Variants in FHIT observed in about 807,000 individuals in gnomAD.
FHIT encodes bis(5'-adenosyl)-triphosphatase.
Under a neutral mutation model 17.9 loss-of-function variants are expected in FHIT, and 19 were observed. That is an observed-to-expected ratio of 1.06 (90% confidence interval 0.74 to 1.56). The LOEUF (loss-of-function observed/expected upper bound fraction) is 1.56, where lower values mean the gene tolerates loss of function less well. Ranked by LOEUF, FHIT falls within the 40% of genes most tolerant of loss-of-function variation. The pLI is 0.00. For synonymous variants in FHIT, 81 were observed against 69.7 expected, an observed-to-expected ratio of 1.16 and a Z score of -0.81; for missense variants, 248 against 189.2, an observed-to-expected ratio of 1.31 and a Z score of -1.82.
intron 5 of FHIT, among the ~76,000 whole-genome samples, chr3:60,397,484 G>C (rs1576594877): frequency 6.6e-6 from 1 of 152,140 alleles, no homozygotes; most frequent in African/African-American, 2.4e-5. Flanking sequence ...AAAGGAAGGA[G>C]TCTATGCTAA....
chr3:59,910,893 AG>A (rs1277034648), intron 8 of FHIT, among the ~76,000 whole-genome samples: 1 of 152,124 alleles, frequency 6.6e-6, no homozygotes, highest in African/African-American at 2.4e-5. Context: ...GGGAAAAAAA[AG>A]AAGGAAAAAA....
chr3:60,279,814 G>C (rs774047433), intron 5 of FHIT, among the ~76,000 whole-genome samples: 17 of 151,918 alleles, frequency 1.1e-4, no homozygotes, highest in Non-Finnish European at 2.2e-4. Context: ...GGCAGATCAG[G>C]AGGTCAGGAG....
chr3:60,833,175 C>G (rs1283712884), intron 3 of FHIT, among the ~76,000 whole-genome samples: 1 of 152,026 alleles, frequency 6.6e-6, no homozygotes, highest in Non-Finnish European at 1.5e-5. Flanking sequence ...TCACTTAAGC[C>G]CCGATTTTCA....
intron 5 of FHIT, among the ~76,000 whole-genome samples, chr3:60,152,660 C>G (rs748749847): frequency 3.9e-5 from 6 of 152,172 alleles, no homozygotes; most frequent in Non-Finnish European, 8.8e-5. Context: ...AAAGACAGTT[C>G]TCTTAAAAAT....
In FHIT at chr3:60,094,818, A is replaced by AG. The variant is rs1386752584; in HGVS notation, c.104-80667_104-80666insC. ...AGGGGTGGGGGAGAGAGAGAGAGAG[A>AG]AGAAGAGAGAGAGAGAAGGAGAGAG... On this transcript the variant is annotated intron_variant, in intron 5 of 9. Coordinates refer to ENST00000492590, the MANE Select transcript of FHIT (RefSeq NM_002012.4). 1.4e-4 allele frequency among the ~76,000 whole-genome samples: 13 copies of AG among 90,416 alleles called. No homozygotes were observed. The South Asian group carries it at 1.5e-3, about 10-fold the overall frequency. 59.3% of individuals were successfully genotyped at this position (90,416 alleles called of 152,430 possible). A position where few individuals can be genotyped will look rare whatever the true frequency, so the allele number is the denominator to read the frequency against.
chr3:61,068,839 C>A (rs2034703456), intron 2 of FHIT, among the ~76,000 whole-genome samples: 1 of 152,150 alleles, frequency 6.6e-6, no homozygotes, highest in African/African-American at 2.4e-5. Flanking sequence ...TGGTTGACTG[C>A]AGCTTTACCT....
At chr3:60,392,195 C>T (rs900664560) in intron 5 of FHIT, among the ~76,000 whole-genome samples, 1 of 152,096 alleles carries the variant, frequency 6.6e-6, no homozygotes, top group Admixed American at 6.6e-5. Context: ...ATTAAGACAT[C>T]AGTTTGAAAA....
chr3:60,201,741 TAATA>T (rs1702917735), intron 5 of FHIT, among the ~76,000 whole-genome samples: 1 of 152,076 alleles, frequency 6.6e-6, no homozygotes, highest in African/African-American at 2.4e-5. Context: ...CAGTCAATAC[TAATA>T]AATAGCTGAG....
intron 5 of FHIT, among the ~76,000 whole-genome samples, chr3:60,368,490 T>C (rs977331338): frequency 6.6e-6 from 1 of 152,066 alleles, no homozygotes; most frequent in African/African-American, 2.4e-5. Flanking sequence ...TCACCTTTTA[T>C]GTTGCCTTAA....
chr3:60,456,171 A>G (rs2032079471), intron 5 of FHIT, among the ~76,000 whole-genome samples: 1 of 152,216 alleles, frequency 6.6e-6, no homozygotes. Flanking sequence ...TGTACACACA[A>G]GATACAGTGT....
At chr3:60,897,821 T>C (rs1705908491) in intron 3 of FHIT, among the ~76,000 whole-genome samples, 1 of 152,208 alleles carries the variant, frequency 6.6e-6, no homozygotes, top group Non-Finnish European at 1.5e-5. Context: ...TCACTCATCA[T>C]AACCATAGGA....
chr3:60,387,144 C>A (rs1184738380), intron 5 of FHIT, among the ~76,000 whole-genome samples: 1 of 151,448 alleles, frequency 6.6e-6, no homozygotes, highest in Non-Finnish European at 1.5e-5. Context: ...CCTGCCACCA[C>A]ACCTAGCTAA....
At chr3:59,823,263 T>C (rs1452726003) in intron 8 of FHIT, among the ~76,000 whole-genome samples, 1 of 152,188 alleles carries the variant, frequency 6.6e-6, no homozygotes, top group Non-Finnish European at 1.5e-5. Context: ...TAGTCTTGCT[T>C]TGGCTATGTG....
intron 5 of FHIT, among the ~76,000 whole-genome samples, chr3:60,233,727 C>T (rs940625692): frequency 5.3e-5 from 8 of 152,174 alleles, no homozygotes; most frequent in Admixed American, 1.3e-4. Flanking sequence ...GGGAGGGACC[C>T]GGTGGCAGGT....
chr3:60,025,194 C>T (rs1330104447), intron 5 of FHIT, among the ~76,000 whole-genome samples: 1 of 152,170 alleles, frequency 6.6e-6, no homozygotes, highest in African/African-American at 2.4e-5. Flanking sequence ...TTATAGAATT[C>T]TCCAGAAATA....
At chr3:60,225,621 C>A (rs1390807482) in intron 5 of FHIT, among the ~76,000 whole-genome samples, 1 of 152,168 alleles carries the variant, frequency 6.6e-6, no homozygotes, top group Non-Finnish European at 1.5e-5. Flanking sequence ...AGTTTAAAAT[C>A]AGAAGGGAGA....
At chr3:60,620,571 G>A (rs1323769727) in intron 4 of FHIT, among the ~76,000 whole-genome samples, 1 of 150,734 alleles carries the variant, frequency 6.6e-6, no homozygotes, top group African/African-American at 2.4e-5. Flanking sequence ...TGATTCCAGT[G>A]ATGGGATACA....
rs1702084065 is a variant in FHIT, at chr3:60,056,424, T to C, written c.104-42272A>G. Among the ~76,000 whole-genome samples, 3 of 152,262 alleles carry C rather than the reference T, an allele frequency of 2.0e-5. No individual in the cohort carries two copies. In the South Asian group the frequency reaches 6.2e-4, roughly 31 times the overall value. ...TTGTTTTGCTATTTGCACCACCCTGTCCCGATTCTATTGTTTGCAGTAAGT... is the reference window on the plus strand; with the variant it reads ...TTGTTTTGCTATTTGCACCACCCTGCCCCGATTCTATTGTTTGCAGTAAGT... On this transcript the variant is annotated intron_variant, in intron 5 of 9. Transcript: ENST00000492590.
intron 5 of FHIT, among the ~76,000 whole-genome samples, chr3:60,249,550 C>T (rs1221950747): frequency 6.0e-5 from 9 of 151,174 alleles, no homozygotes; most frequent in Non-Finnish European, 1.3e-4. Context: ...TTTTTTTCAA[C>T]AGTTATCAGA....
Sources: gnomAD v4.1 joint callset for allele counts (sites outside exome capture counted in the v4.1 genomes callset) on GRCh38, gnomAD v4.1.1 for gene constraint, MANE v1.5 for transcripts, NCBI Gene and HGNC (gene_info 2026-07-23, HGNC 2026-07-21) for gene names.